The following TBC1D32 variants were observed in gnomAD, a reference collection of about 807,000 sequenced individuals.
TBC1D32 encodes protein broad-minded.
In TBC1D32, 151 loss-of-function variants were observed where a neutral mutation model predicts 170.3. That is an observed-to-expected ratio of 0.89 (90% CI 0.78 to 1.01). The LOEUF is 1.01. TBC1D32 is among the 50% of genes least tolerant of loss of function. TBC1D32 has a pLI of 0.00. For missense variants in TBC1D32, 1,464 were observed against 1,457.1 expected (o/e 1.00, Z -0.08); for synonymous variants, 498 against 488.0 (o/e 1.02, Z -0.27).
intron 15 of TBC1D32, among the ~76,000 whole-genome samples, chr6:121,259,673 C>T (rs1799512096): frequency 6.6e-6 from 1 of 152,074 alleles, no homozygotes; most frequent in South Asian, 2.1e-4. Context: ...AGCAGTAATT[C>T]AGGACATAGA....
At chr6:121,319,206 TA>T (rs985154369) in intron 2 of TBC1D32, among the ~76,000 whole-genome samples, 3 of 151,810 alleles carry the variant, frequency 2.0e-5, no homozygotes, top group Non-Finnish European at 2.9e-5. Context: ...TAGGAACCGC[TA>T]GGGGGAGAAA....
chr6:121,240,055 T>C (rs767438162), intron 19 of TBC1D32, among the ~76,000 whole-genome samples: 77 of 152,258 alleles, frequency 5.1e-4, no homozygotes, highest in Non-Finnish European at 5.3e-4. Context: ...AATGATGCCA[T>C]AATCCAAGGT....
chr6:121,273,286 T>C (rs929354558), intron 15 of TBC1D32, among the ~76,000 whole-genome samples: 2 of 150,858 alleles, frequency 1.3e-5, no homozygotes, highest in Admixed American at 1.3e-4. Context: ...GTGGCACATA[T>C]ACACCATGGA....
At chr6:121,245,793 T>C (rs925995551) in intron 17 of TBC1D32, among the ~76,000 whole-genome samples, 2 of 151,988 alleles carry the variant, frequency 1.3e-5, no homozygotes, top group Admixed American at 6.6e-5. Context: ...ACTCCCTACT[T>C]GAAACATCAA....
intron 29 of TBC1D32, among the ~76,000 whole-genome samples, chr6:121,106,692 G>A (rs1291394072): frequency 6.6e-6 from 1 of 151,976 alleles, no homozygotes; most frequent in Admixed American, 6.6e-5. Flanking sequence ...AATTGGGAAT[G>A]ATTTGAGAAA....
At chr6:121,136,061 T>C (rs1782037436) in intron 24 of TBC1D32, among the ~76,000 whole-genome samples, 1 of 152,068 alleles carries the variant, frequency 6.6e-6, no homozygotes, top group African/African-American at 2.4e-5. Context: ...AAAGAAAGAA[T>C]GTGACTCATA....
chr6:121,102,538 G>A (rs1307212266), intron 30 of TBC1D32, among the ~76,000 whole-genome samples: 2 of 152,150 alleles, frequency 1.3e-5, no homozygotes, highest in East Asian at 1.9e-4. Context: ...CTAGCCATAT[G>A]TAGAAAGCTG....
At chr6:121,155,197 C>T (rs1784726500) in intron 24 of TBC1D32, among the ~76,000 whole-genome samples, 1 of 151,930 alleles carries the variant, frequency 6.6e-6, no homozygotes, top group African/African-American at 2.4e-5. Flanking sequence ...TGTAGTTCTC[C>T]TTGTAGAACT....
chr6:121,082,932 T>C (rs1775789043), intron 31 of TBC1D32, among the ~76,000 whole-genome samples: 1 of 152,032 alleles, frequency 6.6e-6, no homozygotes, highest in Admixed American at 6.6e-5. Flanking sequence ...TCAAATGATA[T>C]AGTTCATTAT....
intron 22 of TBC1D32, among the ~76,000 whole-genome samples, chr6:121,169,753 C>T (rs1786683797): frequency 6.6e-6 from 1 of 152,024 alleles, no homozygotes; most frequent in Non-Finnish European, 1.5e-5. Flanking sequence ...AATAATTTTC[C>T]AAGACCTGGC....
chr6:121,283,420 T>C (rs772611305), intron 13 of TBC1D32, among the ~76,000 whole-genome samples: 5 of 151,818 alleles, frequency 3.3e-5, no homozygotes, highest in Admixed American at 3.3e-4. Context: ...GATTGGAGTT[T>C]TGGATGTAAG....
At chr6:121,321,427 A>G (rs1809682597) in intron 2 of TBC1D32, among the ~76,000 whole-genome samples, 2 of 152,184 alleles carry the variant, frequency 1.3e-5, no homozygotes, top group Non-Finnish European at 2.9e-5. Flanking sequence ...CTCGTTGACT[A>G]CAAAAAGAAT....
chr6:121,232,484 T>C (rs755731906), intron 20 of TBC1D32, among the ~76,000 whole-genome samples: 8 of 152,116 alleles, frequency 5.3e-5, no homozygotes, highest in African/African-American at 1.9e-4. Flanking sequence ...TTGATAGGAA[T>C]TGCATTGAAT....
intron 24 of TBC1D32, among the ~76,000 whole-genome samples, chr6:121,150,534 A>G (rs1361653438): frequency 6.6e-6 from 1 of 152,106 alleles, no homozygotes; most frequent in Admixed American, 6.5e-5. Flanking sequence ...GTTGGGGAGG[A>G]GTCCTTCTTT....
At chr6:121,101,456 C>T (rs1428247233) in intron 30 of TBC1D32, among the ~76,000 whole-genome samples, 1 of 151,998 alleles carries the variant, frequency 6.6e-6, no homozygotes, top group Non-Finnish European at 1.5e-5. Context: ...TAAATGTAAT[C>T]CATCACATAA....
At chr6:121,149,370 C>G (rs1783907489) in intron 24 of TBC1D32, among the ~76,000 whole-genome samples, 1 of 152,112 alleles carries the variant, frequency 6.6e-6, no homozygotes, top group African/African-American at 2.4e-5. Context: ...AGGTTTTCTT[C>G]TGGGGTCTTT....
intron 12 of TBC1D32, among the ~76,000 whole-genome samples, chr6:121,287,346 T>A (rs906672601): frequency 6.6e-5 from 10 of 152,138 alleles, no homozygotes; most frequent in African/African-American, 2.4e-4. Flanking sequence ...AGGCAGGGGT[T>A]GCAATCCTAG....
At chr6:121,199,455 A>G (rs1203252976) in intron 22 of TBC1D32, among the ~76,000 whole-genome samples, 1 of 151,352 alleles carries the variant, frequency 6.6e-6, no homozygotes, top group Non-Finnish European at 1.5e-5. Context: ...GTTACCATGA[A>G]GAGGTAGGGT....
intron 21 of TBC1D32, among the ~76,000 whole-genome samples, chr6:121,221,395 C>T (rs1213519524): frequency 3.3e-5 from 5 of 152,074 alleles, no homozygotes; most frequent in Non-Finnish European, 5.9e-5. Flanking sequence ...TTCTGTAGCC[C>T]ATAAATCAAG....
Sources: allele counts gnomAD v4.1 joint callset (sites outside exome capture counted in the v4.1 genomes callset), GRCh38; gene constraint gnomAD v4.1.1; transcripts MANE v1.5; gene names NCBI Gene and HGNC (gene_info 2026-07-23, HGNC 2026-07-21).